SGMS2: variants seen among roughly 807,000 people sequenced by gnomAD.
SGMS2 encodes phosphatidylcholine:ceramide cholinephosphotransferase 2.
In SGMS2, 21 loss-of-function variants were observed where a neutral mutation model predicts 43.8. The ratio of observed to expected loss-of-function variants is 0.48; its 90% CI spans 0.34 to 0.69. SGMS2 has a LOEUF of 0.69. Among genes scored for constraint, SGMS2 ranks in the 30% least tolerant of loss-of-function variants. The pLI is 0.01. For synonymous variants in SGMS2, 167 were observed against 160.6 expected (o/e 1.04, Z -0.30); for missense variants, 384 against 443.2 (o/e 0.87, Z 1.20).
chr4:107,903,455 T>A (rs1731294165), intron 5 of SGMS2, 69 bp downstream of exon 5: 3 of 1,440,404 alleles, frequency 2.1e-6, no homozygotes, highest in African/African-American at 1.4e-5. Context: ...CTGAAATTGA[T>A]AGGAGCCCTT....
chr4:107,851,884 C>T (rs1409669424), intron 1 of SGMS2, among the ~76,000 whole-genome samples: 1 of 152,032 alleles, frequency 6.6e-6, no homozygotes, highest in East Asian at 1.9e-4. Flanking sequence ...ACTGGAGAGG[C>T]TGACCTCTTT....
At position 107,853,321 on chromosome 4, in the gene SGMS2, C is replaced by T. The variant is rs973123050; in HGVS notation, c.-326-5151C>T. Among the ~76,000 whole-genome samples, 4 of 152,280 alleles carry T rather than the reference C, an allele frequency of 2.6e-5. No homozygotes were observed. In the East Asian group the frequency reaches 5.8e-4, roughly 22 times the overall value. On this transcript the variant is annotated intron_variant, in intron 1 of 6. Coordinates refer to ENST00000690982, the MANE Select transcript of SGMS2 (RefSeq NM_001375905.1). Reference sequence around the variant, plus strand: ...AGTCTGCATTGGGCAGAGAGAAGTACAGAGTTGCCTTTCAATATATTTTAA... The same window carrying T: ...AGTCTGCATTGGGCAGAGAGAAGTATAGAGTTGCCTTTCAATATATTTTAA...
intron 5 of SGMS2, 145 bp from the exon 6 acceptor site, chr4:107,908,420 T>C (rs1426751208): frequency 2.5e-6 from 2 of 795,510 alleles, no homozygotes; most frequent in East Asian, 2.5e-5. Context: ...GGGCAGTTCA[T>C]AGTGACTCAG....
Position 107,895,774 on chromosome 4 carries a change from T to G in SGMS2, c.221T>G (p.Leu74Arg). ...ACTGAATCAAGGAACAAATTTCCAC[T>G]AGAGTGGTGGAAAACGGGCATTGCC... ...MPTESRNKFPLEWWKTGIAFI... is the reference protein window; with the variant it reads ...MPTESRNKFPREWWKTGIAFI... The change falls in exon 3 of 7, where the codon CTA (leucine) becomes CGA (arginine). Residue 74 changes from leucine to arginine, a missense_variant. Leu to Arg is a moderately radical substitution (Grantham distance 102). Coordinates refer to ENST00000690982, the MANE Select transcript of SGMS2 (RefSeq NM_001375905.1). The G allele has an allele frequency of 6.2e-7, 1 of 1,613,982 alleles. No homozygotes were observed. Among genetic ancestry groups the G allele is most frequent in the Non-Finnish European group, 8.5e-7 (1 of 1,179,948 alleles).
chr4:107,848,319 A>G (rs758958537), intron 1 of SGMS2, among the ~76,000 whole-genome samples: 6 of 152,196 alleles, frequency 3.9e-5, no homozygotes, highest in Non-Finnish European at 7.3e-5. Flanking sequence ...TCATTCACCT[A>G]TTGAAGGACC....
At chr4:107,862,742 G>A (rs1727822197) in intron 2 of SGMS2, among the ~76,000 whole-genome samples, 3 of 152,154 alleles carry the variant, frequency 2.0e-5, no homozygotes, top group Non-Finnish European at 2.9e-5. Flanking sequence ...TTGGGAGGAC[G>A]TCGTGCTGAA....
At chr4:107,870,237 T>C (rs1001353697) in intron 2 of SGMS2, among the ~76,000 whole-genome samples, 1 of 152,204 alleles carries the variant, frequency 6.6e-6, no homozygotes, top group Admixed American at 6.5e-5. Context: ...TTTGGACTTA[T>C]GTCTGTCCTC....
At chr4:107,910,052 T>TCA (rs1731977926) in intron 6 of SGMS2, among the ~76,000 whole-genome samples, 1 of 152,134 alleles carries the variant, frequency 6.6e-6, no homozygotes, top group Admixed American at 6.5e-5. Context: ...ATTTGATCAC[T>TCA]CACACATCCT....
At chr4:107,830,568 C>T (rs573327047) in intron 1 of SGMS2, among the ~76,000 whole-genome samples, 2 of 152,060 alleles carry the variant, frequency 1.3e-5, no homozygotes, top group Non-Finnish European at 2.9e-5. Context: ...TAATAATAGC[C>T]ATTCTGACTA....
intron 2 of SGMS2, among the ~76,000 whole-genome samples, chr4:107,883,104 C>T (rs1317109738): frequency 3.3e-5 from 5 of 152,160 alleles, no homozygotes; most frequent in Admixed American, 6.5e-5. Flanking sequence ...AGCATTTCTA[C>T]GCCCTTCTAC....
chr4:107,879,108 ATT>A (rs373759605), intron 2 of SGMS2, among the ~76,000 whole-genome samples: 14,263 of 142,216 alleles, frequency 0.1, 1,098 homozygotes, highest in African/African-American at 0.22. Context: ...CTACCTGGCC[ATT>A]TTTTTTTTTT....
chr4:107,910,526 T>G lies in SGMS2; in HGVS notation c.1071T>G (p.Ile357Met), dbSNP rs776026651. 9 of 1,613,842 alleles carry G rather than the reference T, an allele frequency of 5.6e-6. No homozygotes were observed. Among genetic ancestry groups the G allele is most frequent in the African/African-American group, 4.0e-5 (3 of 74,906 alleles). ...AAAAGTATTCACGGGTTCAGAAGAT[T>G]GGTGAAGACAATGAGAAATCGACCT... Reference protein sequence around the residue: ...SCKKYSRVQKIGEDNEKST With the variant: ...SCKKYSRVQKMGEDNEKST Residue 357 changes from isoleucine to methionine, a missense_variant, in exon 7 of 7, where the codon ATT becomes ATG. Coordinates refer to ENST00000690982, the MANE Select transcript of SGMS2 (RefSeq NM_001375905.1).
chr4:107,887,903 TTTTATAACC>T (rs1177495619), intron 2 of SGMS2, among the ~76,000 whole-genome samples: 1 of 152,194 alleles, frequency 6.6e-6, no homozygotes, highest in Admixed American at 6.5e-5. Context: ...TCCATAAGCC[TTTTATAACC>T]TTTATAACCT....
At chr4:107,834,028 A>G (rs1726037066) in intron 1 of SGMS2, among the ~76,000 whole-genome samples, 1 of 152,248 alleles carries the variant, frequency 6.6e-6, no homozygotes, top group African/African-American at 2.4e-5. Flanking sequence ...TGTGATGTTT[A>G]GCTCAGAGAG....
chr4:107,868,492 G>T (rs1728296310), intron 2 of SGMS2, among the ~76,000 whole-genome samples: 1 of 152,154 alleles, frequency 6.6e-6, no homozygotes, highest in Admixed American at 6.5e-5. Flanking sequence ...CTAGGCGGGT[G>T]GATCACCTGA....
At chr4:107,845,938 C>T (rs1401781680) in intron 1 of SGMS2, among the ~76,000 whole-genome samples, 2 of 152,160 alleles carry the variant, frequency 1.3e-5, no homozygotes, top group African/African-American at 4.8e-5. Context: ...AAATGGAATG[C>T]TGCCCTGACC....
chr4:107,848,244 A>G (rs140543489), intron 1 of SGMS2, among the ~76,000 whole-genome samples: 158 of 152,270 alleles, frequency 1.0e-3, no homozygotes, highest in African/African-American at 3.6e-3. Flanking sequence ...GTAGTTTGAA[A>G]TAGCTCATTT....
chr4:107,902,261 G>A (rs1022106863), intron 4 of SGMS2, among the ~76,000 whole-genome samples: 1 of 137,096 alleles, frequency 7.3e-6, no homozygotes, highest in Non-Finnish European at 1.5e-5. Context: ...TTGCACTCCA[G>A]TCTGGGTGAA....
intron 2 of SGMS2, among the ~76,000 whole-genome samples, chr4:107,887,399 A>G (rs1479133666): frequency 6.6e-6 from 1 of 152,230 alleles, no homozygotes; most frequent in Non-Finnish European, 1.5e-5. Flanking sequence ...TATAATTATT[A>G]CTGATAATGT....
Sources: gnomAD v4.1 joint callset for allele counts (sites outside exome capture counted in the v4.1 genomes callset) on GRCh38, gnomAD v4.1.1 for gene constraint, MANE v1.5 for transcripts, NCBI Gene and HGNC (gene_info 2026-07-23, HGNC 2026-07-21) for gene names.